IL1RL1: variants seen among roughly 807,000 people sequenced by gnomAD.
IL1RL1 encodes the protein interleukin-1 receptor-like 1.
Under a neutral mutation model 50.9 loss-of-function variants are expected in IL1RL1, and 32 were observed. That is an observed-to-expected ratio of 0.63 (90% confidence interval 0.47 to 0.84). The LOEUF (loss-of-function observed/expected upper bound fraction) is 0.84. Ranked by LOEUF, IL1RL1 falls within the 40% of genes least tolerant of loss-of-function variation. IL1RL1 has a pLI of 0.00. For synonymous variants in IL1RL1, 275 were observed against 236.0 expected, an observed-to-expected ratio of 1.17 and a Z score of -1.51; for missense variants, 773 against 662.9, an observed-to-expected ratio of 1.17 and a Z score of -1.82.
At chr2:102,326,338 A>C (rs1051270991) in intron 1 of IL1RL1, among the ~76,000 whole-genome samples, 2 of 152,208 alleles carry the variant, frequency 1.3e-5, no homozygotes, top group South Asian at 4.1e-4. Flanking sequence ...GCCCTACAAG[A>C]GCTCCTGAAG....
At chr2:102,314,507 T>C (rs943791876) in intron 1 of IL1RL1, among the ~76,000 whole-genome samples, 7 of 152,202 alleles carry the variant, frequency 4.6e-5, no homozygotes, top group African/African-American at 1.7e-4. Context: ...TGATAACTTA[T>C]CAGTTGGGTG....
At position 102,351,690 on chromosome 2, in the gene IL1RL1, T is replaced by C; in HGVS notation, c.1440T>C (p.Ile480=). 4 of 1,613,274 alleles carry C rather than the reference T, an allele frequency of 2.5e-6. No individual in the cohort carries two copies. Among genetic ancestry groups the C allele is most frequent in the Non-Finnish European group, 3.4e-6 (4 of 1,179,328 alleles). Residue 480 remains isoleucine, a synonymous_variant, in exon 11 of 11, where the codon ATT becomes ATC. Transcript: ENST00000233954. ...AGAACGACGCCAAGGTGATACTTAT[T>C]GAGATGGAGGCTCTGAGCGAGCTGG... The part of the protein sequence containing the change: ...LIQNDAKVIL[I]EMEALSELDM...
chr2:102,326,940 A>T (rs1677019863), intron 1 of IL1RL1, among the ~76,000 whole-genome samples: 1 of 152,216 alleles, frequency 6.6e-6, no homozygotes, highest in Non-Finnish European at 1.5e-5. Flanking sequence ...CATTAGACAG[A>T]TCAACGAGAC....
intron 1 of IL1RL1, among the ~76,000 whole-genome samples, chr2:102,312,368 G>A (rs1476327759): frequency 6.6e-6 from 1 of 151,216 alleles, no homozygotes; most frequent in Non-Finnish European, 1.5e-5. Flanking sequence ...GAAAATCATG[G>A]TACAGATTGA....
chr2:102,311,838 TA>T (rs1342679772), intron 1 of IL1RL1, among the ~76,000 whole-genome samples: 2,022 of 80,792 alleles, frequency 0.025, 113 homozygotes, highest in African/African-American at 0.097. Flanking sequence ...ATATATTATA[TA>T]ATTGTAATAT....
At chr2:102,339,853 T>C (rs1334051957) in intron 3 of IL1RL1, among the ~76,000 whole-genome samples, 1 of 152,172 alleles carries the variant, frequency 6.6e-6, no homozygotes, top group Non-Finnish European at 1.5e-5. Flanking sequence ...ACAGCAGATG[T>C]AGTGTATGAA....
intron 1 of IL1RL1, among the ~76,000 whole-genome samples, chr2:102,327,508 G>A (rs1216283361): frequency 2.6e-5 from 4 of 152,108 alleles, no homozygotes; most frequent in African/African-American, 9.7e-5. Context: ...TAAGATCAGA[G>A]CAGAACTGGA....
intron 1 of IL1RL1, among the ~76,000 whole-genome samples, chr2:102,320,205 CCA>C (rs1676797449): frequency 6.6e-6 from 1 of 152,140 alleles, no homozygotes; most frequent in Admixed American, 6.5e-5. Flanking sequence ...TGTGTTTACT[CCA>C]GTGTCGTCTT....
chr2:102,337,095 C>T (rs1443786740), intron 1 of IL1RL1: 3 of 152,158 alleles, frequency 2.0e-5, no homozygotes, highest in African/African-American at 7.2e-5. Context: ...CAAGGGATTA[C>T]TCAATGTTGT....
rs747647787 is a variant in IL1RL1, at chr2:102,348,144, G to A, written c.1117+53G>A. The A allele has an allele frequency of 1.8e-4, 256 of 1,419,536 alleles. 1 individual carries two copies. The Middle Eastern group carries it at 4.0e-3, about 22-fold the overall frequency. The allele number at this position is 1,419,536 out of a possible 1,614,324, so 87.9% of individuals were successfully genotyped here. A position where few individuals can be genotyped will look rare whatever the true frequency, so the allele number is the denominator to read the frequency against. ...CCAAAGAAAAAGTCCCATAATAACT[G>A]TTGGTTACCTGTCTATTAATCTTTC... On this transcript the variant is annotated intron_variant, in intron 9 of 10. Coordinates refer to ENST00000233954, the MANE Select transcript of IL1RL1 (RefSeq NM_016232.5).
chr2:102,334,646 A>G (rs764058853), intron 1 of IL1RL1, among the ~76,000 whole-genome samples: 2 of 152,180 alleles, frequency 1.3e-5, no homozygotes, highest in Non-Finnish European at 2.9e-5. Context: ...TGAGAGCCTG[A>G]CTCACTGAAA....
At chr2:102,325,994 A>G (rs1278876492) in intron 1 of IL1RL1, among the ~76,000 whole-genome samples, 1 of 152,182 alleles carries the variant, frequency 6.6e-6, no homozygotes, top group Non-Finnish European at 1.5e-5. Flanking sequence ...TTCAGGAAAT[A>G]CAGAGAACAC....
chr2:102,331,772 A>G (rs927187922), intron 1 of IL1RL1, among the ~76,000 whole-genome samples: 3 of 152,236 alleles, frequency 2.0e-5, no homozygotes, highest in Admixed American at 6.5e-5. Context: ...GGTTCATTCA[A>G]TAAATATTTC....
rs1229726460 is a variant in IL1RL1 at position 102,339,004 on chromosome 2, G to C, written c.229G>C (p.Ala77Pro). ...ASGQLLKFLP[A>P]AVADSGIYTC... ...AGGCCAACTTCTGAAGTTTCTACCAGCTGCAGTTGCTGATTCTGGTATTTA... is the reference window on the plus strand; with the variant it reads ...AGGCCAACTTCTGAAGTTTCTACCACCTGCAGTTGCTGATTCTGGTATTTA... The change falls in exon 3 of 11, where the codon GCT becomes CCT. Residue 77 changes from alanine to proline, a missense_variant. Transcript: ENST00000233954. The C allele has an allele frequency of 1.2e-6, 2 of 1,613,750 alleles. No individual in the cohort carries two copies. Among genetic ancestry groups the C allele is most frequent in the Non-Finnish European group, 1.7e-6 (2 of 1,179,832 alleles).
intron 1 of IL1RL1, among the ~76,000 whole-genome samples, chr2:102,313,868 C>T (rs1402257477): frequency 1.3e-5 from 2 of 152,166 alleles, no homozygotes; most frequent in African/African-American, 4.8e-5. Context: ...CGTGCATGTG[C>T]AGTAGGGTCC....
chr2:102,330,355 G>A (rs1468292682), intron 1 of IL1RL1, among the ~76,000 whole-genome samples: 1 of 143,498 alleles, frequency 7.0e-6, no homozygotes, highest in African/African-American at 2.5e-5. Flanking sequence ...TGGGGGGAGG[G>A]GGGAGGCATA....
chr2:102,348,137 A>T, intron 9 of IL1RL1, 46 bp downstream of exon 9: 1 of 1,505,018 alleles, frequency 6.6e-7, no homozygotes. Context: ...AAAGTCCCAT[A>T]ATAACTGTTG....
chr2:102,312,304 A>G (rs988258573), intron 1 of IL1RL1, among the ~76,000 whole-genome samples: 2 of 149,522 alleles, frequency 1.3e-5, no homozygotes, highest in Non-Finnish European at 1.5e-5. Context: ...ACATTATAAC[A>G]ATAATAATCA....
intron 10 of IL1RL1, among the ~76,000 whole-genome samples, chr2:102,350,455 T>C (rs1450958814): frequency 6.6e-6 from 1 of 152,266 alleles, no homozygotes; most frequent in African/African-American, 2.4e-5. Flanking sequence ...CCTCTGTCAA[T>C]GCATGTCCTC....
Sources: allele counts gnomAD v4.1 joint callset (sites outside exome capture counted in the v4.1 genomes callset), GRCh38; gene constraint gnomAD v4.1.1; transcripts MANE v1.5; gene names NCBI Gene and HGNC (gene_info 2026-07-23, HGNC 2026-07-21).